The following AKAP10 variants were observed in gnomAD, a reference collection of about 807,000 sequenced individuals.
AKAP10 encodes the protein A-kinase anchor protein 10, mitochondrial.
AKAP10 carries 24 observed loss-of-function variants against 80.8 expected under a neutral mutation model. The ratio of observed to expected loss-of-function variants is 0.30; its 90% confidence interval spans 0.22 to 0.42. The LOEUF is 0.42. Ranked by LOEUF, AKAP10 falls within the 10% of genes least tolerant of loss-of-function variation. The pLI is 1.00. For synonymous variants in AKAP10, 291 were observed against 277.7 expected (o/e 1.05, Z -0.48); for missense variants, 661 against 794.9 (o/e 0.83, Z 2.03).
chr17:19,905,997 C>A lies in AKAP10; in HGVS notation c.*230G>T. On this transcript the variant is annotated 3_prime_UTR_variant, in exon 15 of 15. Coordinates refer to ENST00000225737, the MANE Select transcript of AKAP10 (RefSeq NM_007202.4). The stretch of plus-strand genomic sequence containing the variant: ...AATTTTCTAGTAATGTAAACAATAC[C>A]ATTTTGTATCTTTAAGACTCTCACT... 3 of 525,920 alleles carry A rather than the reference C, an allele frequency of 5.7e-6. No individual in the cohort carries two copies. Among genetic ancestry groups the A allele is most frequent in the South Asian group, 2.9e-5 (1 of 34,222 alleles). 32.6% of individuals were successfully genotyped at this position (525,920 alleles called of 1,614,324 possible).
chr17:19,911,364 T>C (rs749869532), intron 12 of AKAP10, among the ~76,000 whole-genome samples: 1 of 152,184 alleles, frequency 6.6e-6, no homozygotes, highest in African/African-American at 2.4e-5. Flanking sequence ...CTTGGACATA[T>C]CATAAATCCG....
intron 8 of AKAP10, among the ~76,000 whole-genome samples, chr17:19,938,057 T>C (rs1243716055): frequency 6.7e-6 from 1 of 149,480 alleles, no homozygotes; most frequent in Non-Finnish European, 1.5e-5. Context: ...CCCTAGTAGC[T>C]GGGATTATAG....
chr17:19,957,401 G>A (rs1381411073), intron 4 of AKAP10, among the ~76,000 whole-genome samples: 1 of 152,072 alleles, frequency 6.6e-6, no homozygotes, highest in Non-Finnish European at 1.5e-5. Flanking sequence ...AATTAGCCGG[G>A]TGTGGTGGCA....
chr17:19,909,568 TTAAC>T (rs1230920221), intron 13 of AKAP10, among the ~76,000 whole-genome samples: 36 of 152,180 alleles, frequency 2.4e-4, no homozygotes, highest in African/African-American at 8.7e-4. Context: ...ATGTACTTAA[TTAAC>T]TATTAAAAAA....
intron 4 of AKAP10, among the ~76,000 whole-genome samples, chr17:19,950,542 C>T (rs1485535514): frequency 6.6e-6 from 1 of 152,228 alleles, no homozygotes; most frequent in Non-Finnish European, 1.5e-5. Flanking sequence ...AGCTCCTGAC[C>T]GCGAGTGATC....
intron 3 of AKAP10, among the ~76,000 whole-genome samples, chr17:19,961,095 A>G (rs903409934): frequency 6.6e-5 from 10 of 151,130 alleles, no homozygotes; most frequent in African/African-American, 2.4e-4. Context: ...TAATCCCAGC[A>G]CTTTGGGAGG....
chr17:19,931,376 C>T (rs928736980), intron 10 of AKAP10, among the ~76,000 whole-genome samples: 1 of 150,694 alleles, frequency 6.6e-6, no homozygotes, highest in African/African-American at 2.4e-5. Flanking sequence ...AGTAAGTAGG[C>T]TAATTTTATT....
Position 19,943,024 on chromosome 17 carries a change from T to C in AKAP10, c.977-1114A>G, listed in dbSNP as rs376630421. ...AGTGATCCTCAGCCTTCTGAGTAGC[T>C]GAGACTACAGACAAGAGCTATTACG... On this transcript the variant is annotated intron_variant, in intron 5 of 14. Coordinates refer to ENST00000225737, the MANE Select transcript of AKAP10 (RefSeq NM_007202.4). 2.6e-5 allele frequency among the ~76,000 whole-genome samples: 4 copies of C among 152,138 alleles called. No homozygotes were observed. In the East Asian group the frequency reaches 7.7e-4, roughly 29 times the overall value.
chr17:19,964,609 G>A (rs1050193546), intron 2 of AKAP10, among the ~76,000 whole-genome samples: 1 of 152,120 alleles, frequency 6.6e-6, no homozygotes, highest in African/African-American at 2.4e-5. Flanking sequence ...ACTTAACAAG[G>A]GACCGGGTGC....
intron 11 of AKAP10, 109 bp from the exon 12 acceptor site, chr17:19,920,227 AT>A: frequency 1.4e-6 from 1 of 736,864 alleles, no homozygotes; most frequent in Non-Finnish European, 2.3e-6. Context: ...CAGAAACACA[AT>A]TTATAGCTAT....
At chr17:19,954,398 AAAAC>A (rs1341347815) in intron 4 of AKAP10, among the ~76,000 whole-genome samples, 1 of 152,190 alleles carries the variant, frequency 6.6e-6, no homozygotes, top group African/African-American at 2.4e-5. Flanking sequence ...AAATAAACAA[AAAAC>A]AAAAAATCTG....
chr17:19,976,575 A>G (rs985269581), intron 1 of AKAP10, among the ~76,000 whole-genome samples: 1 of 151,690 alleles, frequency 6.6e-6, no homozygotes, highest in African/African-American at 2.4e-5. Context: ...GCTGGAGTGC[A>G]ATGGTGCTAT....
chr17:19,958,842 C>CTTTTTTTTT (rs772496178), intron 3 of AKAP10, among the ~76,000 whole-genome samples: 4 of 92,936 alleles, frequency 4.3e-5, no homozygotes, highest in Admixed American at 1.1e-4. Flanking sequence ...CATGTAAATT[C>CTTTTTTTTT]TTTTTTTTTT....
chr17:19,910,030 A>T, intron 12 of AKAP10, 52 bp from the exon 13 acceptor site: 1 of 1,575,146 alleles, frequency 6.3e-7, no homozygotes. Context: ...ATTTTACATT[A>T]AAAATGCTCT....
rs558917037 is a variant in AKAP10, at chr17:19,944,937, TA to T, written c.976+2469del. On this transcript the variant is annotated intron_variant, in intron 5 of 14. Coordinates refer to ENST00000225737, the MANE Select transcript of AKAP10 (RefSeq NM_007202.4). ...TGCAAAGTGGGTACACAGTAAGAGC[TA>T]AAGTGAAGGCTCCTTTGAACAAAAC... 5.9e-5 allele frequency among the ~76,000 whole-genome samples: 9 copies of T among 152,294 alleles called. No individual in the cohort carries two copies. In the South Asian group the frequency reaches 1.9e-3, roughly 32 times the overall value.
intron 1 of AKAP10, 98 bp downstream of exon 1, chr17:19,977,494 G>A (rs1162758477): frequency 1.1e-6 from 1 of 946,432 alleles, no homozygotes; most frequent in Non-Finnish European, 1.4e-6. Context: ...CTCGCTGAAG[G>A]CCTTGCTGCC....
chr17:19,919,344 T>C (rs1314768636), intron 12 of AKAP10, among the ~76,000 whole-genome samples: 1 of 152,202 alleles, frequency 6.6e-6, no homozygotes, highest in African/African-American at 2.4e-5. Flanking sequence ...ATTTCATTAC[T>C]TTTATATTTC....
At chr17:19,929,962 G>GC (rs1280771893) in intron 10 of AKAP10, among the ~76,000 whole-genome samples, 3 of 137,350 alleles carry the variant, frequency 2.2e-5, no homozygotes, top group African/African-American at 8.3e-5. Context: ...GGGCGACAGA[G>GC]CAAGATGCTG....
intron 8 of AKAP10, 63 bp downstream of exon 8, chr17:19,939,650 T>G: frequency 6.4e-7 from 1 of 1,555,930 alleles, no homozygotes; most frequent in South Asian, 1.2e-5. Context: ...TCATCTTTAT[T>G]TCCACAAAAC....
Sources: gnomAD v4.1 joint callset for allele counts (sites outside exome capture counted in the v4.1 genomes callset) on GRCh38, gnomAD v4.1.1 for gene constraint, MANE v1.5 for transcripts, NCBI Gene and HGNC (gene_info 2026-07-23, HGNC 2026-07-21) for gene names.